The following NDUFS8 variants were observed in gnomAD, a reference collection of about 807,000 sequenced individuals.
NDUFS8 encodes NADH:ubiquinone oxidoreductase core subunit S8.
In NDUFS8, 13 loss-of-function variants were observed where a neutral mutation model predicts 25.6. The observed-to-expected ratio is 0.51, with a 90% CI of 0.33 to 0.81. The LOEUF (loss-of-function observed/expected upper bound fraction) is 0.81, where lower values mean the gene tolerates loss of function less well. Ranked by LOEUF, NDUFS8 falls within the 30% of genes least tolerant of loss-of-function variation. The pLI, the probability that NDUFS8 is intolerant of heterozygous loss-of-function variation, is 0.02. For synonymous variants in NDUFS8, 119 were observed against 119.4 expected (o/e 1.00, Z 0.02); for missense variants, 257 against 300.9 (o/e 0.85, Z 1.08).
Position 68,032,521 on chromosome 11 carries a change from G to T in NDUFS8, c.109+185G>T. ...CACAGGGGCAGGGTCCATCATTGCC[G>T]AGGTTAGCATGTGTGATCTCAGAGC... On this transcript the variant is annotated intron_variant, in intron 3 of 6. Transcript: ENST00000313468. The T allele has an allele frequency of 2.0e-6, 3 of 1,502,000 alleles. No individual in the cohort carries two copies. In the South Asian group the frequency reaches 3.8e-5, roughly 19 times the overall value. The allele number at this position is 1,502,000 out of a possible 1,614,324, so 93.0% of individuals were successfully genotyped here. A position where few individuals can be genotyped will look rare whatever the true frequency, so the allele number is the denominator to read the frequency against.
chr11:68,030,835 T>C, intron 1 of NDUFS8, 102 bp downstream of exon 1: 1 of 417,168 alleles, frequency 2.4e-6, no homozygotes, highest in Non-Finnish European at 4.8e-6. Context: ...CGCCTGGGCT[T>C]CCCCTCGGCT....
intron 2 of NDUFS8, 28 bp from the exon 3 acceptor site, chr11:68,032,258 G>A: frequency 6.2e-7 from 1 of 1,613,814 alleles, no homozygotes; most frequent in Non-Finnish European, 8.5e-7. Flanking sequence ...CAGTCTCCTG[G>A]TATGACGTCA....
chr11:68,030,816 C>G, intron 1 of NDUFS8, 83 bp downstream of exon 1: 1 of 392,228 alleles, frequency 2.5e-6, no homozygotes, highest in South Asian at 1.7e-5. Context: ...GTTGGCGCCG[C>G]CAGCTCTGCG....
At chr11:68,032,446 G>A (rs1046889854) in intron 3 of NDUFS8, 110 bp downstream of exon 3, 20 of 1,585,180 alleles carry the variant, frequency 1.3e-5, no homozygotes, top group Non-Finnish European at 1.7e-6. Flanking sequence ...TCTTCTCTGA[G>A]CCTGTTTCCA....
chr11:68,034,152 G>A (rs1174116777), intron 5 of NDUFS8: 9 of 153,974 alleles, frequency 5.8e-5, no homozygotes, highest in Non-Finnish European at 1.3e-4. Flanking sequence ...TAAAGGATGA[G>A]CCTGCCAGCC....
intron 1 of NDUFS8, 126 bp from the exon 2 acceptor site, chr11:68,032,026 C>T (rs1191333360): frequency 3.6e-6 from 5 of 1,372,168 alleles, no homozygotes; most frequent in Non-Finnish European, 5.2e-6. Flanking sequence ...CCTCTGACAG[C>T]AATGGGGTGC....
intron 5 of NDUFS8, chr11:68,033,665 G>T: frequency 3.0e-6 from 1 of 331,146 alleles, no homozygotes; most frequent in Non-Finnish European, 5.8e-6. Flanking sequence ...TTCCCCAGTG[G>T]CTGCTCCCCT....
intron 5 of NDUFS8, 195 bp from the exon 6 acceptor site, chr11:68,036,058 C>T (rs964523340): frequency 1.7e-5 from 12 of 716,186 alleles, no homozygotes; most frequent in Admixed American, 3.0e-5. Flanking sequence ...AAGGCAGGGA[C>T]GCCAGCAGGG....
Position 68,031,066 on chromosome 11 carries a change from G to T in NDUFS8, c.-1+333G>T, listed in dbSNP as rs564601523. 54 of 298,886 alleles carry T rather than the reference G, an allele frequency of 1.8e-4. 1 individual carries two copies. The highest frequency in any genetic ancestry group is 1.2e-3 in the South Asian group (52 of 42,802). The allele number at this position is 298,886 out of a possible 1,614,324, so 18.5% of individuals were successfully genotyped here. ...CGTGGGATGAGCTCTTATGAGCGCC[G>T]GCTAAGTGCCGGGCTCTGGGGTGCC... On this transcript the variant is annotated intron_variant, in intron 1 of 6. Coordinates refer to ENST00000313468, the MANE Select transcript of NDUFS8 (RefSeq NM_002496.4).
At chr11:68,036,177 G>A in intron 5 of NDUFS8, 76 bp from the exon 6 acceptor site, 1 of 1,603,606 alleles carries the variant, frequency 6.2e-7, no homozygotes, top group Non-Finnish European at 8.5e-7. Context: ...CAGGGGTGGG[G>A]ATGAGCAGTG....
At chr11:68,033,312 G>GC in intron 5 of NDUFS8, 29 bp downstream of exon 5, 1 of 1,584,042 alleles carries the variant, frequency 6.3e-7, no homozygotes, top group East Asian at 2.3e-5. Context: ...CGGCCACCAC[G>GC]CCAGCCCCTG....
chr11:68,031,129 C>G, intron 1 of NDUFS8: 1 of 277,118 alleles, frequency 3.6e-6, no homozygotes, highest in South Asian at 2.7e-5. Flanking sequence ...CCAAGACCAA[C>G]CGCCCCCAAC....
At chr11:68,034,536 G>A (rs1450960440) in intron 5 of NDUFS8, 1 of 152,182 alleles carries the variant, frequency 6.6e-6, no homozygotes, top group East Asian at 1.9e-4. Context: ...ATTTAGACCG[G>A]GCACAGTGGC....
chr11:68,034,391 G>C (rs1008838885), intron 5 of NDUFS8: 1 of 152,252 alleles, frequency 6.6e-6, no homozygotes, highest in African/African-American at 2.4e-5. Context: ...ATCAAATGGA[G>C]AGAAGTAGAT....
chr11:68,036,361 C>CGCGA lies in NDUFS8; in HGVS notation c.481_482insGCGA (p.Pro161ArgfsTer13). On this transcript the variant is annotated frameshift_variant, in exon 6 of 7. Transcript: ENST00000313468. LOFTEE classifies it high-confidence loss of function. ...CTGCGGCTTCTGCCAGGAGGCCTGT[C>CGCGA]CCGTGGATGCCATCGTCGAGGCACG... is the stretch of plus-strand genomic sequence containing the variant. 6.2e-7 allele frequency: 1 copy of CGCGA among 1,613,744 alleles called. No homozygotes were observed. Among genetic ancestry groups the CGCGA allele is most frequent in the Non-Finnish European group, 8.5e-7 (1 of 1,180,008 alleles).
chr11:68,032,691 G>T (rs558683792), intron 3 of NDUFS8: 4 of 826,470 alleles, frequency 4.8e-6, no homozygotes, highest in African/African-American at 1.7e-5. Context: ...AGGGAAGTGC[G>T]TCTGGGCTCC....
chr11:68,032,039 G>A lies in NDUFS8; in HGVS notation c.1-113G>A, dbSNP rs1349102404. On this transcript the variant is annotated intron_variant, in intron 1 of 6. Coordinates refer to ENST00000313468, the MANE Select transcript of NDUFS8 (RefSeq NM_002496.4). The stretch of plus-strand genomic sequence containing the variant: ...TGCCTCTGACAGCAATGGGGTGCGA[G>A]TAGAGGGCAAAGTGACACATGTCAG... 2.7e-6 allele frequency: 4 copies of A among 1,507,210 alleles called. No individual in the cohort carries two copies. The African/African-American group carries it at 5.5e-5, about 21-fold the overall frequency. The allele number at this position is 1,507,210 out of a possible 1,614,324, so 93.4% of individuals were successfully genotyped here.
intron 3 of NDUFS8, chr11:68,032,670 C>T: frequency 1.1e-6 from 1 of 870,930 alleles, no homozygotes; most frequent in South Asian, 1.7e-5. Context: ...CTCTTTCAAG[C>T]CCTGTTGGGC....
rs1854800938 is a variant in NDUFS8 at position 68,032,970 on chromosome 11, G to C, written c.157G>C (p.Asp53His). The C allele has an allele frequency of 6.2e-7, 1 of 1,613,884 alleles. No homozygotes were observed. Residue 53 changes from aspartate to histidine, a missense_variant, in exon 4 of 7, where the codon GAC (aspartate) becomes CAC (histidine). Asp to His is a moderately conservative substitution (Grantham distance 81). Coordinates refer to ENST00000313468, the MANE Select transcript of NDUFS8 (RefSeq NM_002496.4). ...DPEMDMKSVTDRAARTLLWTE... is the reference protein window; with the variant it reads ...DPEMDMKSVTHRAARTLLWTE... ...CGAGATGGACATGAAGTCAGTGACT[G>C]ACCGGGCAGCCCGCACCCTGCTGTG...
Sources: gnomAD v4.1 joint callset for allele counts on GRCh38, gnomAD v4.1.1 for gene constraint, MANE v1.5 for transcripts, NCBI Gene and HGNC (gene_info 2026-07-23, HGNC 2026-07-21) for gene names.